Variants in FNDC7 observed in about 807,000 individuals in gnomAD.
FNDC7 encodes the protein fibronectin type III domain containing 7.
FNDC7 carries 66 observed loss-of-function variants against 74.2 expected under a neutral mutation model. That is an observed-to-expected ratio of 0.89 (90% confidence interval 0.73 to 1.09). The LOEUF is 1.09. FNDC7 is among the 50% of genes least tolerant of loss of function. The pLI is 0.00. For missense variants in FNDC7, 829 were observed against 893.4 expected (o/e 0.93, Z 0.92); for synonymous variants, 307 against 330.2 (o/e 0.93, Z 0.76).
intron 9 of FNDC7, among the ~76,000 whole-genome samples, chr1:108,731,316 AGCT>A: frequency 6.6e-6 from 1 of 152,270 alleles, no homozygotes; most frequent in East Asian, 1.9e-4. Context: ...CTCTTTTCTA[AGCT>A]TCTTCAGCTG....
At chr1:108,741,718 A>C (rs1387841495) in intron 11 of FNDC7, 55 bp from the exon 12 acceptor site, 1 of 1,575,362 alleles carries the variant, frequency 6.3e-7, no homozygotes, top group Non-Finnish European at 8.7e-7. Context: ...CTTTTTAAGA[A>C]AATGTCTGCA....
Position 108,728,793 on chromosome 1 carries a change from G to A in FNDC7, c.1531G>A (p.Gly511Ser), listed in dbSNP as rs781357063. ...CACAGGAGAGTCCTGCACCATGCGG[G>A]GCTTGCCCTGTGGCTCAGTGTTCTC... ...SSTGESCTMR[G>S]LPCGSVFSVT... Residue 511 changes from glycine (G) to serine (S), a missense_variant, in exon 8 of 13, where the codon GGC becomes AGC. By Grantham distance (56) the Gly-to-Ser change is moderately conservative. Coordinates refer to ENST00000370017, the MANE Select transcript of FNDC7 (RefSeq NM_001144937.3). 4 of 1,614,154 alleles carry A rather than the reference G, an allele frequency of 2.5e-6. No homozygotes were observed. The highest frequency in any genetic ancestry group is 1.7e-5 in the Admixed American group (1 of 60,016).
chr1:108,727,942 G>A lies in FNDC7; in HGVS notation c.1246G>A (p.Asp416Asn). The A allele has an allele frequency of 6.2e-7, 1 of 1,614,198 alleles. No homozygotes were observed. Among genetic ancestry groups the A allele is most frequent in the African/African-American group, 1.3e-5 (1 of 75,058 alleles). ...VDGYNMVECN[D>N]TTPACTLSAL... is the part of the protein sequence containing the mutation. ...TGGGTACAACATGGTTGAGTGCAAT[G>A]ACACTACTCCTGCGTGCACCCTTTC... The change falls in exon 7 of 13, where the codon GAC (aspartate) becomes AAC (asparagine). Residue 416 changes from aspartate (D) to asparagine (N), a missense_variant. Physicochemically the swap from Asp to Asn is conservative, Grantham distance 23. Transcript: ENST00000370017.
intron 10 of FNDC7, chr1:108,734,597 G>A (rs546246593): frequency 6.6e-6 from 1 of 152,306 alleles, no homozygotes; most frequent in East Asian, 1.9e-4. Context: ...GGAGGTTCAG[G>A]ATGGCCCTTG....
chr1:108,725,336 C>T (rs1204703843), intron 5 of FNDC7, among the ~76,000 whole-genome samples: 3 of 152,084 alleles, frequency 2.0e-5, no homozygotes, highest in Admixed American at 2.0e-4. Context: ...GTATTTTAAT[C>T]TCTAAAACAG....
chr1:108,713,131 T>C, intron 1 of FNDC7, 135 bp downstream of exon 1: 1 of 732,022 alleles, frequency 1.4e-6, no homozygotes, highest in Non-Finnish European at 2.2e-6. Flanking sequence ...GTACCGAGGT[T>C]GTATATGTTT....
intron 7 of FNDC7, 138 bp from the exon 8 acceptor site, chr1:108,728,494 A>G: frequency 1.1e-6 from 1 of 885,844 alleles, no homozygotes; most frequent in Non-Finnish European, 1.8e-6. Context: ...ACGCATAGGC[A>G]CTATGAATTT....
At chr1:108,716,224 TG>T (rs1041968569) in intron 2 of FNDC7, among the ~76,000 whole-genome samples, 4 of 151,992 alleles carry the variant, frequency 2.6e-5, no homozygotes, top group Non-Finnish European at 5.9e-5. Context: ...AGATTAACTC[TG>T]GGGACAGAGG....
At chr1:108,716,464 A>T (rs1242451417) in intron 2 of FNDC7, among the ~76,000 whole-genome samples, 1 of 151,814 alleles carries the variant, frequency 6.6e-6, no homozygotes, top group Non-Finnish European at 1.5e-5. Flanking sequence ...TTCCACTGGC[A>T]AGTGGCTATG....
Position 108,722,460 on chromosome 1 carries a change from C to T in FNDC7, c.724C>T (p.Leu242=), listed in dbSNP as rs1427877193. 1.2e-6 allele frequency: 2 copies of T among 1,614,120 alleles called. No homozygotes were observed. Among genetic ancestry groups the T allele is most frequent in the African/African-American group, 1.3e-5 (1 of 74,948 alleles). ...GATGGCTTTGAGCGACTCTTCAGAG[C>T]TGACCTGCAGTACAACTTTCAGTTC... ...TVMALSDSSE[L]TCSTTFSSCT... Residue 242 remains leucine, a synonymous_variant, in exon 5 of 13, where the codon CTG becomes TTG. Coordinates refer to ENST00000370017, the MANE Select transcript of FNDC7 (RefSeq NM_001144937.3).
intron 1 of FNDC7, among the ~76,000 whole-genome samples, chr1:108,713,212 A>G (rs1395274767): frequency 1.3e-5 from 2 of 152,184 alleles, no homozygotes; most frequent in Non-Finnish European, 1.5e-5. Context: ...AAGAACAAAG[A>G]TTTCTGAAAA....
intron 11 of FNDC7, among the ~76,000 whole-genome samples, chr1:108,738,415 G>C (rs1661565163): frequency 6.6e-6 from 1 of 152,162 alleles, no homozygotes; most frequent in Non-Finnish European, 1.5e-5. Context: ...CCAGTAAGCA[G>C]TGTATGCTGC....
intron 5 of FNDC7, among the ~76,000 whole-genome samples, 157 bp from the exon 6 acceptor site, chr1:108,725,593 T>G (rs1661188774): frequency 6.6e-6 from 1 of 152,246 alleles, no homozygotes; most frequent in Admixed American, 6.5e-5. Flanking sequence ...AATCTTCTAA[T>G]GCTTCCAGTG....
chr1:108,721,835 A>G (rs77176501), intron 4 of FNDC7, among the ~76,000 whole-genome samples: 3 of 152,344 alleles, frequency 2.0e-5, no homozygotes, highest in Non-Finnish European at 4.4e-5. Flanking sequence ...CCGAAAAGCT[A>G]TTACAGTAAA....
At chr1:108,723,504 A>C (rs1477142292) in intron 5 of FNDC7, among the ~76,000 whole-genome samples, 1 of 152,204 alleles carries the variant, frequency 6.6e-6, no homozygotes, top group Non-Finnish European at 1.5e-5. Flanking sequence ...AAAAAAAATA[A>C]AGCTATTCTT....
At chr1:108,729,621 G>A (rs1160043095) in intron 8 of FNDC7, among the ~76,000 whole-genome samples, 1 of 152,184 alleles carries the variant, frequency 6.6e-6, no homozygotes, top group Non-Finnish European at 1.5e-5. Context: ...CTCATAGGGT[G>A]GCTATGAGTA....
At chr1:108,726,242 C>A (rs1661218095) in intron 6 of FNDC7, among the ~76,000 whole-genome samples, 1 of 152,204 alleles carries the variant, frequency 6.6e-6, no homozygotes, top group Admixed American at 6.5e-5. Flanking sequence ...AGTTGTTCAA[C>A]CTTGCTCTGA....
intron 7 of FNDC7, among the ~76,000 whole-genome samples, 189 bp downstream of exon 7, chr1:108,728,254 A>T (rs1032224256): frequency 9.2e-5 from 14 of 152,200 alleles, no homozygotes; most frequent in African/African-American, 3.4e-4. Flanking sequence ...AGTGGAAAAA[A>T]TGAAAACAAA....
At chr1:108,726,180 C>T (rs1366250983) in intron 6 of FNDC7, among the ~76,000 whole-genome samples, 176 bp downstream of exon 6, 2 of 152,166 alleles carry the variant, frequency 1.3e-5, no homozygotes, top group Non-Finnish European at 2.9e-5. Context: ...CTTTGTGGAC[C>T]TAAGCATAAC....
Sources: allele counts gnomAD v4.1 joint callset (sites outside exome capture counted in the v4.1 genomes callset), GRCh38; gene constraint gnomAD v4.1.1; transcripts MANE v1.5; gene names NCBI Gene and HGNC (gene_info 2026-07-23, HGNC 2026-07-21).